Variants in CERS6 observed in about 807,000 individuals in gnomAD.
The protein encoded by CERS6 is ceramide synthase 6, also known as LAG1 homolog, ceramide synthase 6.
Under a neutral mutation model 56.8 loss-of-function variants are expected in CERS6, and 26 were observed. That is an observed-to-expected ratio of 0.46 (90% CI 0.34 to 0.63). The LOEUF is 0.63. Ranked by LOEUF, CERS6 falls within the 30% of genes least tolerant of loss-of-function variation. The pLI is 0.01. For missense variants in CERS6, 415 were observed against 467.5 expected, an observed-to-expected ratio of 0.89 and a Z score of 1.04; for synonymous variants, 164 against 173.3, an observed-to-expected ratio of 0.95 and a Z score of 0.42.
At chr2:168,576,825 G>T (rs890736408) in intron 3 of CERS6, among the ~76,000 whole-genome samples, 12 of 152,186 alleles carry the variant, frequency 7.9e-5, no homozygotes, top group African/African-American at 2.9e-4. Flanking sequence ...AAGATAAATA[G>T]AATCTTCTGG....
intron 4 of CERS6, among the ~76,000 whole-genome samples, chr2:168,683,920 A>G (rs1057258994): frequency 2.6e-5 from 4 of 152,182 alleles, no homozygotes; most frequent in Non-Finnish European, 5.9e-5. Flanking sequence ...CTATTGGCTG[A>G]AAGGCTTAAG....
intron 6 of CERS6, among the ~76,000 whole-genome samples, chr2:168,710,856 T>C (rs1687071132): frequency 6.6e-6 from 1 of 152,188 alleles, no homozygotes; most frequent in Non-Finnish European, 1.5e-5. Context: ...AGCTGAGAAC[T>C]AGATGTAAAT....
intron 2 of CERS6, among the ~76,000 whole-genome samples, chr2:168,550,941 C>T (rs1176668887): frequency 6.6e-6 from 1 of 152,184 alleles, no homozygotes; most frequent in African/African-American, 2.4e-5. Context: ...GTGAGTGCTA[C>T]AAGCCAGGGG....
At chr2:168,743,986 CTTTTTTTTCTTTTTTT>C (rs1282533083) in intron 8 of CERS6, among the ~76,000 whole-genome samples, 2,397 of 59,698 alleles carry the variant, frequency 0.04, 78 homozygotes, top group African/African-American at 0.14. Flanking sequence ...TTTCTTTTTT[CTTTTTTTTCTTTTTTT>C]TTTTTTTTTT....
intron 8 of CERS6, among the ~76,000 whole-genome samples, chr2:168,749,955 A>G (rs1282417155): frequency 2.0e-5 from 3 of 152,190 alleles, no homozygotes; most frequent in African/African-American, 7.2e-5. Flanking sequence ...TTTTAATTAC[A>G]TTCACATTAA....
intron 4 of CERS6, 54 bp from the exon 5 acceptor site, chr2:168,690,980 A>C (rs182414109): frequency 4.6e-6 from 7 of 1,509,024 alleles, no homozygotes; most frequent in African/African-American, 1.4e-5. Flanking sequence ...AACCTTTTTT[A>C]TCCTCTTATC....
intron 1 of CERS6, among the ~76,000 whole-genome samples, chr2:168,488,512 C>A (rs930579632): frequency 2.0e-5 from 3 of 151,944 alleles, no homozygotes; most frequent in Admixed American, 6.6e-5. Flanking sequence ...TTTGAAAAAT[C>A]TTTTTTCATG....
At chr2:168,555,444 G>A (rs1558995997) in intron 2 of CERS6, among the ~76,000 whole-genome samples, 2 of 152,104 alleles carry the variant, frequency 1.3e-5, no homozygotes, top group East Asian at 3.9e-4. Flanking sequence ...AAAATGAATG[G>A]AGATAAGCAG....
chr2:168,531,028 T>G (rs977218799), intron 1 of CERS6, among the ~76,000 whole-genome samples: 4 of 152,158 alleles, frequency 2.6e-5, no homozygotes, highest in African/African-American at 4.8e-5. Flanking sequence ...GAAGATAGAT[T>G]CAGAAAACAA....
At chr2:168,709,489 A>C (rs776352011) in intron 6 of CERS6, among the ~76,000 whole-genome samples, 1 of 152,110 alleles carries the variant, frequency 6.6e-6, no homozygotes, top group Non-Finnish European at 1.5e-5. Flanking sequence ...AATATCAAGC[A>C]GGGAACATAG....
intron 3 of CERS6, among the ~76,000 whole-genome samples, chr2:168,627,777 A>T: frequency 6.7e-6 from 1 of 149,190 alleles, no homozygotes; most frequent in Admixed American, 6.7e-5. Flanking sequence ...ATTCTATTTT[A>T]GTTCTTGTAT....
intron 4 of CERS6, among the ~76,000 whole-genome samples, chr2:168,660,139 G>A (rs911832905): frequency 1.2e-4 from 19 of 152,138 alleles, no homozygotes; most frequent in African/African-American, 3.6e-4. Flanking sequence ...TCAGCACAAC[G>A]TTCAACAGAT....
intron 6 of CERS6, 59 bp downstream of exon 6, chr2:168,695,110 GGT>G (rs1686612285): frequency 7.2e-7 from 1 of 1,387,260 alleles, no homozygotes; most frequent in Admixed American, 1.7e-5. Context: ...GCCCTTAGCA[GGT>G]GGGTTTAGAC....
chr2:168,766,848 G>T (rs868478742), intron 9 of CERS6, among the ~76,000 whole-genome samples: 1 of 152,164 alleles, frequency 6.6e-6, no homozygotes, highest in Non-Finnish European at 1.5e-5. Flanking sequence ...AGGGGAAGTC[G>T]GGGCATCTAG....
chr2:168,658,062 T>G (rs955142708), intron 4 of CERS6, among the ~76,000 whole-genome samples: 5 of 152,116 alleles, frequency 3.3e-5, no homozygotes, highest in Admixed American at 2.6e-4. Flanking sequence ...GACTTTTGAG[T>G]CTTGGTTCTG....
In CERS6 at chr2:168,460,261, C is replaced by CA. The variant is rs764879691; in HGVS notation, c.170+3644dup. Among the ~76,000 whole-genome samples the CA allele has an allele frequency of 5.5e-4, 84 of 151,888 alleles. 1 individual carries two copies. The highest frequency in any genetic ancestry group is 8.7e-4 in the Non-Finnish European group (59 of 67,974). ...CCATGCTGGAGTGCAGTGGCATGAT[C>CA]ATGGCTCACTGCAACCTCCACCTCC... On this transcript the variant is annotated intron_variant, in intron 1 of 9. Coordinates refer to ENST00000305747, the MANE Select transcript of CERS6 (RefSeq NM_203463.3).
chr2:168,489,817 A>G (rs1024312187), intron 1 of CERS6, among the ~76,000 whole-genome samples: 10 of 152,024 alleles, frequency 6.6e-5, no homozygotes, highest in African/African-American at 2.4e-4. Flanking sequence ...TGGGTTTCTC[A>G]GAGTTGGAAT....
chr2:168,532,074 C>T (rs1695178496), intron 1 of CERS6, among the ~76,000 whole-genome samples: 1 of 152,028 alleles, frequency 6.6e-6, no homozygotes. Flanking sequence ...AGTAGGTGCA[C>T]CTGGGATATG....
intron 3 of CERS6, among the ~76,000 whole-genome samples, chr2:168,621,443 T>C (rs961061776): frequency 6.6e-6 from 1 of 152,220 alleles, no homozygotes; most frequent in Non-Finnish European, 1.5e-5. Context: ...AAATAGACTT[T>C]AAGCTGACAA....
Sources: allele counts gnomAD v4.1 joint callset (sites outside exome capture counted in the v4.1 genomes callset), GRCh38; gene constraint gnomAD v4.1.1; transcripts MANE v1.5; gene names NCBI Gene and HGNC (gene_info 2026-07-23, HGNC 2026-07-21).